The following ANGPT2 variants were observed in gnomAD, a reference collection of about 807,000 sequenced individuals.
The protein encoded by ANGPT2 is angiopoietin-2.
A neutral mutation model predicts 62.9 loss-of-function variants in ANGPT2; 28 were observed. That is an observed-to-expected ratio of 0.44 (90% CI 0.33 to 0.61). ANGPT2 has a LOEUF of 0.61. Among genes scored for constraint, ANGPT2 ranks in the 20% least tolerant of loss-of-function variants. ANGPT2 has a pLI of 0.03. For synonymous variants in ANGPT2, 284 were observed against 207.8 expected (o/e 1.37, Z -3.15); for missense variants, 727 against 594.9 (o/e 1.22, Z -2.31).
intron 1 of ANGPT2, among the ~76,000 whole-genome samples, chr8:6,559,993 C>G (rs902417590): frequency 1.3e-5 from 2 of 152,204 alleles, no homozygotes; most frequent in African/African-American, 4.8e-5. Flanking sequence ...AGCGTGGGAC[C>G]TTTTGATGAT....
rs1241254403 is a variant in ANGPT2, at chr8:6,532,321, G to A, written c.444+11C>T. The A allele has an allele frequency of 2.5e-6, 4 of 1,613,930 alleles. No individual in the cohort carries two copies. The highest frequency in any genetic ancestry group is 1.1e-5 in the South Asian group (1 of 91,036). On this transcript the variant is annotated intron_variant, in intron 2 of 8. Transcript: ENST00000629816. ...GCAGGGACACCGTGTGCTTTATGTG[G>A]CATTACTTACTTGGGCTTCCACATC... is the stretch of plus-strand genomic sequence containing the variant.
Position 6,562,629 on chromosome 8 carries a change from G to A in ANGPT2, c.288+18C>T. On this transcript the variant is annotated intron_variant, in intron 1 of 8. Transcript: ENST00000629816. Reference sequence around the variant, plus strand: ...TCTTAATAGCATGTTCACAAAGACAGATGGATTTTTTTCCTACCTTCATTA... The same window carrying A: ...TCTTAATAGCATGTTCACAAAGACAAATGGATTTTTTTCCTACCTTCATTA... 7.6e-7 allele frequency: 1 copy of A among 1,309,754 alleles called. No homozygotes were observed. The highest frequency in any genetic ancestry group is 1.0e-6 in the Non-Finnish European group (1 of 988,792). 81.1% of individuals were successfully genotyped at this position (1,309,754 alleles called of 1,614,324 possible).
At chr8:6,520,835 C>T (rs1238625667) in intron 4 of ANGPT2, among the ~76,000 whole-genome samples, 1 of 152,142 alleles carries the variant, frequency 6.6e-6, no homozygotes, top group Non-Finnish European at 1.5e-5. Flanking sequence ...AATGGCCATC[C>T]CATGGGTCTG....
chr8:6,514,598 G>A, intron 6 of ANGPT2, 79 bp downstream of exon 6: 1 of 1,254,714 alleles, frequency 8.0e-7, no homozygotes, highest in Non-Finnish European at 1.2e-6. Context: ...TTTGGGATTG[G>A]TGGTTAAGGT....
chr8:6,515,752 A>G (rs761123669), intron 5 of ANGPT2, among the ~76,000 whole-genome samples: 2 of 152,234 alleles, frequency 1.3e-5, no homozygotes, highest in Non-Finnish European at 2.9e-5. Flanking sequence ...TTCAAAACCA[A>G]TTGTAAATAT....
chr8:6,525,804 G>A (rs189767684), intron 3 of ANGPT2, among the ~76,000 whole-genome samples: 3 of 152,164 alleles, frequency 2.0e-5, no homozygotes, highest in East Asian at 3.9e-4. Flanking sequence ...AAAAAAATAC[G>A]ATTTCTACAG....
Position 6,519,974 on chromosome 8 carries a change from C to G in ANGPT2, c.817G>C (p.Ala273Pro), listed in dbSNP as rs141170504. The change falls in exon 5 of 9, where the codon GCT becomes CCT. Residue 273 changes from alanine (A) to proline (P), a missense_variant. Ala to Pro is a conservative substitution (Grantham distance 27). Coordinates refer to ENST00000629816, the MANE Select transcript of ANGPT2 (RefSeq NM_001118887.2). ...CTGAAGCTGATTTGTTCTTCTTTAG[C>G]AACAGTGGGGTCCTTAGCTGCTTTT... The part of the protein sequence containing the change: ...STSNSKDPTV[A>P]KEEQISFRDC... 3 of 1,614,026 alleles carry G rather than the reference C, an allele frequency of 1.9e-6. No homozygotes were observed. The highest frequency in any genetic ancestry group is 2.5e-6 in the Non-Finnish European group (3 of 1,179,932).
chr8:6,502,914 C>A lies in ANGPT2; in HGVS notation c.*187G>T, dbSNP rs988140473. On this transcript the variant is annotated 3_prime_UTR_variant, in exon 9 of 9. Coordinates refer to ENST00000629816, the MANE Select transcript of ANGPT2 (RefSeq NM_001118887.2). ...TGGATGTTTAGGGTCTTGCTTTGGT[C>A]CGTTAAGTGATGCAAGTTTAAGTGA... 9.6e-5 allele frequency: 60 copies of A among 627,084 alleles called. No individual in the cohort carries two copies. The highest frequency in any genetic ancestry group is 1.6e-4 in the Non-Finnish European group (58 of 369,458). 38.8% of individuals were successfully genotyped at this position (627,084 alleles called of 1,614,324 possible). A position where few individuals can be genotyped will look rare whatever the true frequency, so the allele number is the denominator to read the frequency against.
Position 6,499,906 on chromosome 8 carries a change from T to G in ANGPT2, c.*3195A>C. 1 of 1,613,738 alleles carries G rather than the reference T, an allele frequency of 6.2e-7. No individual in the cohort carries two copies. Among genetic ancestry groups the G allele is most frequent in the Non-Finnish European group, 8.5e-7 (1 of 1,179,978 alleles). On this transcript the variant is annotated 3_prime_UTR_variant, in exon 9 of 9. Coordinates refer to ENST00000629816, the MANE Select transcript of ANGPT2 (RefSeq NM_001118887.2). ...GATTTCTGAGGAGCCGTTCGAACTG[T>G]CTCACCACTTCCCTGCAGCTCCCGT...
At position 6,499,733 on chromosome 8, in the gene ANGPT2, C is replaced by G. The variant is rs765765965; in HGVS notation, c.*3368G>C. On this transcript the variant is annotated 3_prime_UTR_variant, in exon 9 of 9. Transcript: ENST00000629816. ...GAAGGGACTTTGTTGTCTGAGAACA[C>G]ATCTATTTCAGATCTGCGGAGTGTA... The G allele has an allele frequency of 8.6e-6, 7 of 810,110 alleles. No individual in the cohort carries two copies. The highest frequency in any genetic ancestry group is 1.4e-5 in the South Asian group (1 of 72,598). 50.2% of individuals were successfully genotyped at this position (810,110 alleles called of 1,614,324 possible).
chr8:6,526,257 T>TGAAA, intron 3 of ANGPT2, among the ~76,000 whole-genome samples: 1 of 77,502 alleles, frequency 1.3e-5, no homozygotes, highest in African/African-American at 4.2e-5. Flanking sequence ...TTGCCTCTAC[T>TGAAA]AAAAAAAAAA....
At chr8:6,527,445 A>G in intron 3 of ANGPT2, 110 bp downstream of exon 3, 2 of 1,371,038 alleles carry the variant, frequency 1.5e-6, no homozygotes, top group South Asian at 2.8e-5. Flanking sequence ...TCTGACCCTT[A>G]CACTAGACAT....
At chr8:6,509,956 A>C (rs1814651443) in intron 7 of ANGPT2, among the ~76,000 whole-genome samples, 1 of 152,146 alleles carries the variant, frequency 6.6e-6, no homozygotes, top group Non-Finnish European at 1.5e-5. Context: ...ACATATCACT[A>C]GCCAGGGAAA....
intron 8 of ANGPT2, among the ~76,000 whole-genome samples, chr8:6,506,960 C>G (rs778914216): frequency 6.6e-6 from 1 of 151,530 alleles, no homozygotes; most frequent in Non-Finnish European, 1.5e-5. Context: ...TGTACTGGTG[C>G]GATCTCGGCT....
chr8:6,516,192 C>T (rs548477752), intron 5 of ANGPT2, among the ~76,000 whole-genome samples: 1 of 152,296 alleles, frequency 6.6e-6, no homozygotes, highest in South Asian at 2.1e-4. Flanking sequence ...AATCAGTCTG[C>T]ACAAGCTAAC....
intron 1 of ANGPT2, among the ~76,000 whole-genome samples, chr8:6,540,500 G>A (rs1238775502): frequency 6.6e-6 from 1 of 152,232 alleles, no homozygotes; most frequent in Admixed American, 6.5e-5. Flanking sequence ...CCAGATGTCT[G>A]TGAGCGTGCA....
At chr8:6,545,477 AC>A (rs1487180792) in intron 1 of ANGPT2, among the ~76,000 whole-genome samples, 1 of 152,224 alleles carries the variant, frequency 6.6e-6, no homozygotes, top group Non-Finnish European at 1.5e-5. Context: ...ATCTAGGAGC[AC>A]CTAAATAATG....
chr8:6,505,972 TTCTTTGTATATATAAAAACATATAC>T (rs1813627889), intron 8 of ANGPT2, among the ~76,000 whole-genome samples: 4 of 1,528 alleles, frequency 2.6e-3, no homozygotes. Context: ...AACATACATA[TTCTTTGTATATATAAAAACATATAC>T]ATATTCTTTA....
At chr8:6,506,934 G>C (rs1348865181) in intron 8 of ANGPT2, among the ~76,000 whole-genome samples, 2 of 150,526 alleles carry the variant, frequency 1.3e-5, no homozygotes, top group Non-Finnish European at 2.9e-5. Context: ...TCTCACTCTT[G>C]TCGTCCAGGC....
Sources: gnomAD v4.1 joint callset for allele counts (sites outside exome capture counted in the v4.1 genomes callset) on GRCh38, gnomAD v4.1.1 for gene constraint, MANE v1.5 for transcripts, NCBI Gene and HGNC (gene_info 2026-07-23, HGNC 2026-07-21) for gene names.